TENM1: variants seen among roughly 807,000 people sequenced by gnomAD.
TENM1 encodes teneurin-1.
Under a neutral mutation model 174.8 loss-of-function variants are expected in TENM1, and 35 were observed. The observed-to-expected ratio is 0.20, with a 90% CI of 0.15 to 0.27. The LOEUF (loss-of-function observed/expected upper bound fraction) is 0.27, where lower values mean the gene tolerates loss of function less well. Ranked by LOEUF, TENM1 falls within the 10% of genes least tolerant of loss-of-function variation. The pLI, the probability that TENM1 is intolerant of heterozygous loss-of-function variation, is 1.00. For synonymous variants in TENM1, 781 were observed against 798.7 expected (o/e 0.98, Z 0.37); for missense variants, 1,633 against 2,130.1 (o/e 0.77, Z 4.59).
chrX:124,463,836 GGTGTGTGTGTGTGTGT>G (rs61128914), intron 22 of TENM1, among the ~76,000 whole-genome samples: 8 of 90,937 alleles, frequency 8.8e-5, no homozygotes, highest in South Asian at 5.7e-4. Context: ...TAGAGGTTGG[GGTGTGTGTGTGTGTGT>G]GTGTGTGTGT....
chrX:124,815,117 A>C (rs2055868762), intron 3 of TENM1, among the ~76,000 whole-genome samples: 1 of 111,709 alleles, frequency 9.0e-6, no homozygotes, highest in African/African-American at 3.3e-5. Context: ...TGAGGAGTTC[A>C]AGAGGCTATG....
intron 3 of TENM1, among the ~76,000 whole-genome samples, chrX:124,814,041 A>C (rs1042153417): frequency 4.5e-5 from 5 of 111,861 alleles, no homozygotes; most frequent in Non-Finnish European, 9.4e-5. Context: ...TCAATTGTAT[A>C]GATGGCTGAA....
At chrX:124,402,201 A>C (rs935135270) in intron 27 of TENM1, among the ~76,000 whole-genome samples, 2 of 111,955 alleles carry the variant, frequency 1.8e-5, no homozygotes, top group African/African-American at 6.5e-5. Flanking sequence ...GATCAAATAA[A>C]ATCCTGGCTA....
At chrX:124,695,841 T>C (rs1281953069) in intron 5 of TENM1, among the ~76,000 whole-genome samples, 1 of 111,268 alleles carries the variant, frequency 9.0e-6, no homozygotes, top group Admixed American at 9.6e-5. Context: ...ATACATTTAA[T>C]AGTTCATTGA....
chrX:124,842,473 T>C (rs1415125013), intron 3 of TENM1, among the ~76,000 whole-genome samples: 1 of 111,516 alleles, frequency 9.0e-6, no homozygotes, highest in African/African-American at 3.3e-5. Context: ...GGGCCTTAGC[T>C]TAGGATGCCA....
chrX:125,089,159 G>A, the TENM1 span, among the ~76,000 whole-genome samples: 1 of 111,477 alleles, frequency 9.0e-6, no homozygotes, highest in Non-Finnish European at 1.9e-5. Flanking sequence ...CTGGGGTGCT[G>A]GTCTCTTATA....
the TENM1 span, among the ~76,000 whole-genome samples, chrX:124,999,336 G>A: frequency 1.8e-5 from 2 of 110,952 alleles, no homozygotes; most frequent in Non-Finnish European, 3.8e-5. Flanking sequence ...ATATTCAAAT[G>A]TGTAGAAATC....
intron 3 of TENM1, among the ~76,000 whole-genome samples, chrX:124,791,013 T>C (rs1336466631): frequency 2.7e-5 from 3 of 111,767 alleles, no homozygotes; most frequent in Non-Finnish European, 5.6e-5. Context: ...TGAGCCCTTG[T>C]TGTAAAATTT....
chrX:124,523,594 C>T lies in TENM1; in HGVS notation c.2803G>A (p.Val935Ile), dbSNP rs777061902. Residue 935 changes from valine (V) to isoleucine (I), a missense_variant, in exon 17 of 32, where the codon GTC becomes ATC. Physicochemically the swap from Val to Ile is conservative, Grantham distance 29 (BLOSUM62 3). Coordinates refer to ENST00000422452, the Ensembl canonical transcript of TENM1. The stretch of plus-strand genomic sequence containing the variant: ...GGGGATCGGTCGAAGATTAAGATGA[C>T]AGAGATGCCACCGATGGCCACGAGG... The T allele has an allele frequency of 4.5e-5, 54 of 1,209,659 alleles. 1 individual carries two copies. The South Asian group carries it at 9.0e-4, about 20-fold the overall frequency.
the TENM1 span, among the ~76,000 whole-genome samples, chrX:125,126,010 AT>A: frequency 4.7e-4 from 53 of 112,177 alleles, no homozygotes; most frequent in Non-Finnish European, 8.6e-4. Flanking sequence ...ACCAAAATAT[AT>A]TTTTTAAATG....
intron 23 of TENM1, among the ~76,000 whole-genome samples, chrX:124,445,948 T>C (rs2060960871): frequency 8.9e-6 from 1 of 112,387 alleles, no homozygotes. Flanking sequence ...CTTATAGCAG[T>C]GCTTACAAAG....
exon 1 of TENM1, chrX:124,963,690 C>A: frequency 8.3e-7 from 1 of 1,211,619 alleles, no homozygotes; most frequent in Non-Finnish European, 1.1e-6. Context: ...CTGGTGTAAG[C>A]TAGATCCATT....
chrX:124,769,079 C>T (rs1489328987), intron 3 of TENM1, among the ~76,000 whole-genome samples: 1 of 111,954 alleles, frequency 8.9e-6, no homozygotes, highest in Admixed American at 9.5e-5. Flanking sequence ...ATAGAAATTA[C>T]ACCTATCTAA....
the TENM1 span, among the ~76,000 whole-genome samples, chrX:125,163,497 G>GT: frequency 9.0e-6 from 1 of 111,144 alleles, no homozygotes; most frequent in Admixed American, 9.6e-5. Context: ...TTCAGGTAAA[G>GT]TAAGTTTGAC....
At chrX:124,644,757 G>A (rs192704608) in intron 10 of TENM1, among the ~76,000 whole-genome samples, 1 of 111,163 alleles carries the variant, frequency 9.0e-6, no homozygotes, top group Non-Finnish European at 1.9e-5. Flanking sequence ...GGCTGCAAAC[G>A]TGCATATATT....
At chrX:124,573,402 A>G (rs1315708470) in intron 11 of TENM1, among the ~76,000 whole-genome samples, 3 of 111,549 alleles carry the variant, frequency 2.7e-5, no homozygotes, top group African/African-American at 9.8e-5. Flanking sequence ...AAGTATACAT[A>G]GGGACTTTGT....
chrX:125,058,689 G>T, the TENM1 span, among the ~76,000 whole-genome samples: 9 of 110,354 alleles, frequency 8.2e-5, no homozygotes, highest in Non-Finnish European at 1.5e-4. Flanking sequence ...AATATTGACT[G>T]AAAAGTCAAG....
chrX:125,054,878 C>T, the TENM1 span, among the ~76,000 whole-genome samples: 7 of 111,271 alleles, frequency 6.3e-5, no homozygotes, highest in Admixed American at 2.9e-4. Flanking sequence ...TGAGACAGTT[C>T]GGTGGCAAGT....
chrX:124,983,838 T>C, the TENM1 span, among the ~76,000 whole-genome samples: 1 of 110,668 alleles, frequency 9.0e-6, no homozygotes, highest in Non-Finnish European at 1.9e-5. Context: ...GCCAGGCTGG[T>C]CTCGAACTCC....
Sources: gnomAD v4.1 joint callset for allele counts (sites outside exome capture counted in the v4.1 genomes callset) on GRCh38, gnomAD v4.1.1 for gene constraint, MANE v1.5 for transcripts, NCBI Gene and HGNC (gene_info 2026-07-23, HGNC 2026-07-21) for gene names.